The following RBMS3 variants were observed in gnomAD, a reference collection of about 807,000 sequenced individuals.
RBMS3 encodes RNA binding motif single stranded interacting protein 3.
Under a neutral mutation model 66.8 loss-of-function variants are expected in RBMS3, and 27 were observed. That is an observed-to-expected ratio of 0.40 (90% CI 0.30 to 0.56). The LOEUF (loss-of-function observed/expected upper bound fraction) is 0.56, where lower values mean the gene tolerates loss of function less well. RBMS3 is among the 20% of genes least tolerant of loss of function. The pLI is 0.40. For synonymous variants in RBMS3, 188 were observed against 183.0 expected (o/e 1.03, Z -0.22); for missense variants, 513 against 549.5 (o/e 0.93, Z 0.66).
intron 4 of RBMS3, among the ~76,000 whole-genome samples, chr3:29,622,518 A>G (rs913191891): frequency 6.6e-6 from 1 of 152,248 alleles, no homozygotes; most frequent in Non-Finnish European, 1.5e-5. Context: ...ACTCATGAGA[A>G]TTATTCAGTA....
intron 1 of RBMS3, among the ~76,000 whole-genome samples, chr3:29,404,880 T>C (rs1438300101): frequency 6.6e-6 from 1 of 152,136 alleles, no homozygotes; most frequent in Non-Finnish European, 1.5e-5. Context: ...TATGTGACTA[T>C]AAAAATTGAC....
intron 4 of RBMS3, chr3:29,730,794 C>T (rs767153110): frequency 1.1e-6 from 1 of 895,166 alleles, no homozygotes; most frequent in East Asian, 1.2e-4. Context: ...ACCACGAGTA[C>T]AAAACAATAT....
chr3:29,921,154 C>T (rs1366792443), intron 10 of RBMS3, among the ~76,000 whole-genome samples: 2 of 152,040 alleles, frequency 1.3e-5, no homozygotes, highest in Admixed American at 1.3e-4. Context: ...CCTCTCCCTC[C>T]CAGGTTCAAG....
chr3:29,767,403 A>T (rs931464379), intron 6 of RBMS3: 3 of 150,116 alleles, frequency 2.0e-5, no homozygotes, highest in Admixed American at 1.4e-4. Context: ...TACTCTTTAC[A>T]TAATTGTTTC....
intron 11 of RBMS3, among the ~76,000 whole-genome samples, chr3:29,940,005 C>T (rs2061352525): frequency 6.6e-6 from 1 of 151,760 alleles, no homozygotes; most frequent in Non-Finnish European, 1.5e-5. Flanking sequence ...AAGCTAATGA[C>T]ATGACCATTT....
At chr3:29,776,179 G>GAT (rs1289475248) in intron 6 of RBMS3, among the ~76,000 whole-genome samples, 2 of 151,908 alleles carry the variant, frequency 1.3e-5, no homozygotes, top group African/African-American at 2.4e-5. Flanking sequence ...TCCAGCTTAT[G>GAT]ATATGCTTTC....
intron 3 of RBMS3, among the ~76,000 whole-genome samples, chr3:29,508,596 A>G (rs1401757975): frequency 6.6e-6 from 1 of 152,068 alleles, no homozygotes; most frequent in Non-Finnish European, 1.5e-5. Context: ...TATCCAGTCT[A>G]TCATTGATGG....
intron 1 of RBMS3, among the ~76,000 whole-genome samples, chr3:29,429,217 T>G (rs1045364609): frequency 2.0e-5 from 3 of 152,176 alleles, no homozygotes; most frequent in African/African-American, 7.2e-5. Flanking sequence ...AGAATATTAT[T>G]TGCCTCATTG....
intron 3 of RBMS3, among the ~76,000 whole-genome samples, chr3:29,552,606 T>C (rs2046213992): frequency 6.6e-6 from 1 of 152,206 alleles, no homozygotes; most frequent in Non-Finnish European, 1.5e-5. Flanking sequence ...AGTAGTGTTA[T>C]TCCGATGGTT....
intron 6 of RBMS3, among the ~76,000 whole-genome samples, chr3:29,833,933 A>G (rs2058438312): frequency 6.6e-6 from 1 of 152,080 alleles, no homozygotes; most frequent in Non-Finnish European, 1.5e-5. Context: ...AGCGCCAAGA[A>G]AAAAAACATG....
chr3:29,786,880 A>C (rs1421407912), intron 6 of RBMS3, among the ~76,000 whole-genome samples: 6 of 152,218 alleles, frequency 3.9e-5, no homozygotes, highest in Non-Finnish European at 8.8e-5. Context: ...ACAGGAAAAG[A>C]AATAATGAGC....
At chr3:29,397,811 G>A (rs1377828188) in intron 1 of RBMS3, among the ~76,000 whole-genome samples, 1 of 152,038 alleles carries the variant, frequency 6.6e-6, no homozygotes, top group Non-Finnish European at 1.5e-5. Context: ...AGCCTCCCGA[G>A]CAGCTGGAAC....
At chr3:29,465,212 G>C (rs536212726) in intron 2 of RBMS3, among the ~76,000 whole-genome samples, 1 of 152,216 alleles carries the variant, frequency 6.6e-6, no homozygotes, top group African/African-American at 2.4e-5. Flanking sequence ...TTTTTTTCCT[G>C]TGTTCTAAAA....
At chr3:29,840,511 T>C (rs2058635350) in intron 6 of RBMS3, among the ~76,000 whole-genome samples, 1 of 152,014 alleles carries the variant, frequency 6.6e-6, no homozygotes, top group Non-Finnish European at 1.5e-5. Flanking sequence ...TCATGTAGAC[T>C]CTAAAAGAAC....
intron 12 of RBMS3, 55 bp downstream of exon 12, chr3:29,944,309 C>T (rs1367649612): frequency 1.4e-6 from 2 of 1,466,756 alleles, no homozygotes; most frequent in Non-Finnish European, 1.9e-6. Flanking sequence ...ATGGAGGTTG[C>T]CTGGTTTTTT....
At chr3:29,783,053 TA>T (rs1360690479) in intron 6 of RBMS3, among the ~76,000 whole-genome samples, 3 of 152,132 alleles carry the variant, frequency 2.0e-5, no homozygotes, top group African/African-American at 7.2e-5. Context: ...GAGAATATGT[TA>T]AATGTCCAAA....
intron 4 of RBMS3, chr3:29,697,141 C>A: frequency 2.0e-6 from 2 of 976,784 alleles, no homozygotes; most frequent in Non-Finnish European, 2.4e-6. Flanking sequence ...ATTTCTTATA[C>A]AGTAATATGG....
At chr3:29,647,668 G>A (rs1213277432) in intron 4 of RBMS3, among the ~76,000 whole-genome samples, 3 of 152,162 alleles carry the variant, frequency 2.0e-5, no homozygotes. Context: ...TTCAGAGCAG[G>A]AGGTAACCAT....
At chr3:29,569,863 C>A (rs975815463) in intron 3 of RBMS3, among the ~76,000 whole-genome samples, 2 of 151,972 alleles carry the variant, frequency 1.3e-5, no homozygotes, top group Non-Finnish European at 2.9e-5. Flanking sequence ...AAACATTTAG[C>A]TAAGGCAAAC....
Sources: gnomAD v4.1 joint callset for allele counts (sites outside exome capture counted in the v4.1 genomes callset) on GRCh38, gnomAD v4.1.1 for gene constraint, MANE v1.5 for transcripts, NCBI Gene and HGNC (gene_info 2026-07-23, HGNC 2026-07-21) for gene names.